LARGE1: variants seen among roughly 807,000 people sequenced by gnomAD.
LARGE1 encodes xylosyl- and glucuronyltransferase LARGE1.
Under a neutral mutation model 87.6 loss-of-function variants are expected in LARGE1, and 43 were observed. The ratio of observed to expected loss-of-function variants is 0.49; its 90% CI spans 0.38 to 0.63. The LOEUF is 0.63. Among genes scored for constraint, LARGE1 ranks in the 30% least tolerant of loss-of-function variants. The pLI, the probability that LARGE1 is intolerant of heterozygous loss-of-function variation, is 0.00. For synonymous variants in LARGE1, 434 were observed against 394.6 expected (o/e 1.10, Z -1.18); for missense variants, 802 against 1,000.2 (o/e 0.80, Z 2.67).
At chr22:33,159,277 C>T (rs1921949574), downstream of LARGE1, among the ~76,000 whole-genome samples, 1 of 152,172 alleles carries the variant, frequency 6.6e-6, no homozygotes, top group Non-Finnish European at 1.5e-5. Flanking sequence ...AAATCTAACA[C>T]ATAATATTTG....
chr22:33,342,762 C>T (rs1411623465), intron 9 of LARGE1, among the ~76,000 whole-genome samples: 3 of 152,138 alleles, frequency 2.0e-5, no homozygotes, highest in Non-Finnish European at 4.4e-5. Context: ...TCACTACAGG[C>T]AAGTGCTGGT....
intron 1 of LARGE1, among the ~76,000 whole-genome samples, chr22:33,891,989 T>A (rs1452696052): frequency 6.6e-6 from 1 of 152,166 alleles, no homozygotes; most frequent in Non-Finnish European, 1.5e-5. Context: ...AAAGCCACTC[T>A]CACCATGAGT....
intron 11 of LARGE1, among the ~76,000 whole-genome samples, chr22:33,266,316 G>T (rs1202014315): frequency 1.4e-5 from 2 of 144,106 alleles, no homozygotes; most frequent in Non-Finnish European, 3.0e-5. Flanking sequence ...CCACCTCCTC[G>T]GTTCAAGCGA....
intron 1 of LARGE1, among the ~76,000 whole-genome samples, chr22:33,786,890 G>A (rs9609867): frequency 0.27 from 40,283 of 151,696 alleles, 5,577 homozygotes; most frequent in East Asian, 0.38. Context: ...GCGTGGTGGC[G>A]CCTGCCTGTA....
chr22:33,789,002 G>A lies in LARGE1; in HGVS notation c.-82-27444C>T, dbSNP rs368079838. Among the ~76,000 whole-genome samples the A allele has an allele frequency of 2.4e-4, 37 of 152,342 alleles. 3 individuals are homozygous for A. Among genetic ancestry groups the A allele is most frequent in the African/African-American group, 8.7e-4 (36 of 41,578 alleles). On this transcript the variant is annotated intron_variant, in intron 1 of 14. Transcript: ENST00000397394. The stretch of plus-strand genomic sequence containing the variant: ...AAGCCTGCTGCAGAAATTTGCCTAA[G>A]TAATGAGGAGCCAAATGTTAATTGC...
intron 6 of LARGE1, among the ~76,000 whole-genome samples, chr22:33,466,526 A>G (rs1202955308): frequency 6.6e-6 from 1 of 151,956 alleles, no homozygotes; most frequent in Non-Finnish European, 1.5e-5. Context: ...AAATTTGAAG[A>G]TATTTCTTAG....
intron 2 of LARGE1, among the ~76,000 whole-genome samples, chr22:33,685,676 A>G (rs1000241574): frequency 2.0e-5 from 3 of 152,242 alleles, no homozygotes; most frequent in Admixed American, 6.5e-5. Context: ...TTCTGGAATC[A>G]GAACTGGGTT....
intron 6 of LARGE1, among the ~76,000 whole-genome samples, chr22:33,452,708 G>C (rs977340619): frequency 2.6e-5 from 4 of 152,166 alleles, no homozygotes; most frequent in African/African-American, 9.7e-5. Context: ...GCGCCCATCT[G>C]GGGTACATAA....
At chr22:33,446,839 T>C (rs2067704753) in intron 6 of LARGE1, among the ~76,000 whole-genome samples, 2 of 151,984 alleles carry the variant, frequency 1.3e-5, no homozygotes, top group African/African-American at 2.4e-5. Flanking sequence ...TCCCTTGGAG[T>C]TGAGTGACAC....
At chr22:33,619,390 A>G (rs887282272) in intron 4 of LARGE1, among the ~76,000 whole-genome samples, 2 of 151,982 alleles carry the variant, frequency 1.3e-5, no homozygotes, top group Non-Finnish European at 2.9e-5. Flanking sequence ...CCCCATCTCT[A>G]CTAAAAATAC....
At chr22:33,827,425 C>T (rs903156924) in intron 1 of LARGE1, among the ~76,000 whole-genome samples, 2 of 152,072 alleles carry the variant, frequency 1.3e-5, no homozygotes, top group Admixed American at 6.5e-5. Context: ...CCCTCTGTCC[C>T]CCCGCCAAAA....
At chr22:33,747,207 C>CGAGGA (rs1456888056) in intron 2 of LARGE1, among the ~76,000 whole-genome samples, 1 of 152,078 alleles carries the variant, frequency 6.6e-6, no homozygotes, top group Non-Finnish European at 1.5e-5. Context: ...CTAAGCTTCC[C>CGAGGA]GAGGAGAGGA....
chr22:33,740,287 G>A (rs1004989911), intron 2 of LARGE1, among the ~76,000 whole-genome samples: 1 of 152,090 alleles, frequency 6.6e-6, no homozygotes, highest in African/African-American at 2.4e-5. Flanking sequence ...CTGGATTCCT[G>A]AACACCGGCA....
the LARGE1 span, among the ~76,000 whole-genome samples, chr22:33,090,754 C>T: frequency 1.1e-4 from 16 of 152,284 alleles, no homozygotes; most frequent in African/African-American, 2.9e-4. Context: ...TAGGCAGTGA[C>T]GGTATAAATA....
At chr22:33,131,030 T>A in the LARGE1 span, among the ~76,000 whole-genome samples, 42,726 of 88,318 alleles carry the variant, frequency 0.48, 7,870 homozygotes, top group South Asian at 0.6. Flanking sequence ...CAAGACTCCG[T>A]CTCAAAAAAA....
At chr22:33,448,220 C>T (rs1258890785) in intron 6 of LARGE1, among the ~76,000 whole-genome samples, 1 of 152,120 alleles carries the variant, frequency 6.6e-6, no homozygotes, top group Non-Finnish European at 1.5e-5. Flanking sequence ...CACTGGATTG[C>T]ACCCTTTAAA....
downstream of LARGE1, among the ~76,000 whole-genome samples, chr22:33,267,687 C>T (rs1006470896): frequency 3.3e-5 from 5 of 150,958 alleles, no homozygotes; most frequent in South Asian, 2.1e-4. Flanking sequence ...ACCTTGAGGC[C>T]GATTGCTAGG....
chr22:33,636,405 T>C (rs369612076), intron 3 of LARGE1, among the ~76,000 whole-genome samples: 7 of 152,330 alleles, frequency 4.6e-5, no homozygotes, highest in Middle Eastern at 3.4e-3. Context: ...TTCTTGTTTT[T>C]AGAATGTGCC....
At chr22:33,910,896 G>C (rs1384478024) in intron 1 of LARGE1, among the ~76,000 whole-genome samples, 1 of 152,208 alleles carries the variant, frequency 6.6e-6, no homozygotes, top group African/African-American at 2.4e-5. Context: ...AGGTCAGAGA[G>C]GCAGGGAAGC....
Sources: allele counts gnomAD v4.1 joint callset (sites outside exome capture counted in the v4.1 genomes callset), GRCh38; gene constraint gnomAD v4.1.1; transcripts MANE v1.5; gene names NCBI Gene and HGNC (gene_info 2026-07-23, HGNC 2026-07-21).